Variants in GRIK3 observed in about 807,000 individuals in gnomAD.
GRIK3 encodes glutamate receptor ionotropic, kainate 3.
In GRIK3, 29 loss-of-function variants were observed where a neutral mutation model predicts 102.5. The ratio of observed to expected loss-of-function variants is 0.28; its 90% CI spans 0.21 to 0.39. The LOEUF (loss-of-function observed/expected upper bound fraction) is 0.39. Among genes scored for constraint, GRIK3 ranks in the 10% least tolerant of loss-of-function variants. The probability of loss-of-function intolerance (pLI) is 1.00; values close to 1 mark genes in which losing one functional copy is unlikely to be tolerated. For synonymous variants in GRIK3, 511 were observed against 504.9 expected (o/e 1.01, Z -0.16); for missense variants, 908 against 1,252.4 (o/e 0.73, Z 4.15).
chr1:36,979,882 T>C (rs961279444), intron 1 of GRIK3, among the ~76,000 whole-genome samples: 1 of 151,216 alleles, frequency 6.6e-6, no homozygotes, highest in South Asian at 2.1e-4. Flanking sequence ...TAAGGAGGGG[T>C]TTGCAAGAGA....
At chr1:36,890,842 C>T in intron 2 of GRIK3, 78 bp downstream of exon 2, 1 of 1,206,622 alleles carries the variant, frequency 8.3e-7, no homozygotes, top group Non-Finnish European at 1.2e-6. Flanking sequence ...TGGCCCATTC[C>T]CAGGATCTTG....
chr1:36,960,031 G>C (rs1351792234), intron 1 of GRIK3, among the ~76,000 whole-genome samples: 1 of 107,530 alleles, frequency 9.3e-6, no homozygotes, highest in Non-Finnish European at 2.0e-5. Flanking sequence ...TGTGTGCCCC[G>C]CGAGTCTGTG....
At chr1:36,814,517 C>G (rs905185727) in intron 13 of GRIK3, among the ~76,000 whole-genome samples, 2 of 135,522 alleles carry the variant, frequency 1.5e-5, no homozygotes, top group African/African-American at 2.8e-5. Flanking sequence ...AGACCCCCCC[C>G]CCCCACACAC....
intron 1 of GRIK3, among the ~76,000 whole-genome samples, chr1:36,969,935 A>G (rs1222996350): frequency 6.6e-6 from 1 of 152,270 alleles, no homozygotes; most frequent in Non-Finnish European, 1.5e-5. Context: ...TGGCAATATG[A>G]AATACTTTCA....
At position 36,806,950 on chromosome 1, in the gene GRIK3, C is replaced by G. The variant is rs368076274; in HGVS notation, c.2092-624G>C. Among the ~76,000 whole-genome samples the G allele has an allele frequency of 1.3e-5, 2 of 152,270 alleles. No individual in the cohort carries two copies. Among genetic ancestry groups the G allele is most frequent in the African/African-American group, 4.8e-5 (2 of 41,554 alleles). Reference sequence around the variant, plus strand: ...TGAGTGGGTCCTGGGCCTCCCCTTTCACTTCAACCAATGGAGGCCTCTTTT... The same window carrying G: ...TGAGTGGGTCCTGGGCCTCCCCTTTGACTTCAACCAATGGAGGCCTCTTTT... On this transcript the variant is annotated intron_variant, in intron 13 of 15. Coordinates refer to ENST00000373091, the MANE Select transcript of GRIK3 (RefSeq NM_000831.4). The surrounding 1 kb of genome is among the most constrained non-coding windows in gnomAD (Gnocchi z 4.0).
chr1:36,874,274 A>C (rs775913820), intron 3 of GRIK3, among the ~76,000 whole-genome samples: 10 of 152,210 alleles, frequency 6.6e-5, no homozygotes, highest in Non-Finnish European at 1.3e-4. Flanking sequence ...TCAGGAAAGC[A>C]ATCTGATTGG....
intron 13 of GRIK3, among the ~76,000 whole-genome samples, chr1:36,816,630 A>C (rs1230011650): frequency 1.3e-5 from 2 of 152,138 alleles, no homozygotes; most frequent in Non-Finnish European, 2.9e-5. Context: ...CTTCCTCTCA[A>C]GATTTGGCCC....
At chr1:36,913,487 GC>G (rs1641368511) in intron 1 of GRIK3, among the ~76,000 whole-genome samples, 1 of 152,214 alleles carries the variant, frequency 6.6e-6, no homozygotes, top group Non-Finnish European at 1.5e-5. Context: ...TTATCCAGAT[GC>G]CTTTTAGCTT....
intron 1 of GRIK3, among the ~76,000 whole-genome samples, chr1:36,976,068 G>A (rs1175249696): frequency 6.6e-6 from 1 of 152,212 alleles, no homozygotes; most frequent in Non-Finnish European, 1.5e-5. Context: ...AGGAAGACCT[G>A]TGATGTGTTC....
chr1:37,018,619 C>T (rs900593249), intron 1 of GRIK3, among the ~76,000 whole-genome samples: 1 of 152,044 alleles, frequency 6.6e-6, no homozygotes, highest in Non-Finnish European at 1.5e-5. Flanking sequence ...GCTGAAGAGC[C>T]CCTGACCCTC....
At chr1:36,975,860 G>A (rs779191230) in intron 1 of GRIK3, among the ~76,000 whole-genome samples, 6 of 152,178 alleles carry the variant, frequency 3.9e-5, no homozygotes, top group East Asian at 1.9e-4. Flanking sequence ...GCAGTAAGCC[G>A]TCTACCCCAT....
intron 11 of GRIK3, among the ~76,000 whole-genome samples, chr1:36,824,133 T>G (rs533113529): frequency 6.6e-6 from 1 of 152,062 alleles, no homozygotes; most frequent in East Asian, 1.9e-4. Context: ...CAGCCTAACC[T>G]TGGGAAGGAG....
intron 1 of GRIK3, among the ~76,000 whole-genome samples, chr1:36,905,470 C>A (rs1570790916): frequency 6.7e-6 from 1 of 149,382 alleles, no homozygotes; most frequent in East Asian, 1.9e-4. Flanking sequence ...AAGCCCTCTG[C>A]ATTGAGATAG....
intron 4 of GRIK3, 93 bp from the exon 5 acceptor site, chr1:36,869,894 G>C: frequency 1.2e-6 from 1 of 858,234 alleles, no homozygotes; most frequent in Non-Finnish European, 2.0e-6. Context: ...ACTGGCAGTG[G>C]GTTGGGGAAG....
At chr1:36,972,259 T>C (rs1251794541) in intron 1 of GRIK3, among the ~76,000 whole-genome samples, 2 of 152,222 alleles carry the variant, frequency 1.3e-5, no homozygotes, top group Non-Finnish European at 2.9e-5. Flanking sequence ...TGGAACCTCC[T>C]TGGAGCCCCT....
chr1:37,015,725 G>A (rs534648242), intron 1 of GRIK3, among the ~76,000 whole-genome samples: 98 of 152,312 alleles, frequency 6.4e-4, no homozygotes, highest in Non-Finnish European at 1.1e-3. Flanking sequence ...GGCTCCAGCA[G>A]AAGGTGGCAG....
intron 1 of GRIK3, among the ~76,000 whole-genome samples, chr1:36,954,514 T>C (rs1641880906): frequency 6.6e-6 from 1 of 152,188 alleles, no homozygotes; most frequent in African/African-American, 2.4e-5. Flanking sequence ...TCCAGGGTTC[T>C]GGGCAAGGCA....
At chr1:36,901,680 C>T (rs1641233261) in intron 1 of GRIK3, among the ~76,000 whole-genome samples, 1 of 152,178 alleles carries the variant, frequency 6.6e-6, no homozygotes, top group Non-Finnish European at 1.5e-5. Flanking sequence ...GATGTCCCCT[C>T]TCCCACTGCT....
intron 10 of GRIK3, among the ~76,000 whole-genome samples, chr1:36,830,535 C>T (rs965030993): frequency 1.1e-4 from 17 of 152,076 alleles, no homozygotes; most frequent in South Asian, 4.2e-4. Flanking sequence ...GGAGACCGGG[C>T]GCAGTGGCTC....
Sources: allele counts gnomAD v4.1 joint callset (sites outside exome capture counted in the v4.1 genomes callset), GRCh38; gene constraint gnomAD v4.1.1; non-coding constraint Gnocchi (gnomAD v3.1); transcripts MANE v1.5; gene names NCBI Gene and HGNC (gene_info 2026-07-23, HGNC 2026-07-21).